Variants in NEK11 observed in about 807,000 individuals in gnomAD.
The protein encoded by NEK11 is serine/threonine-protein kinase Nek11.
A neutral mutation model predicts 80.7 loss-of-function variants in NEK11; 72 were observed. The ratio of observed to expected loss-of-function variants is 0.89; its 90% CI spans 0.74 to 1.08. NEK11 has a LOEUF of 1.08. Among genes scored for constraint, NEK11 ranks in the 50% least tolerant of loss-of-function variants. NEK11 has a pLI of 0.00. For missense variants in NEK11, 764 were observed against 763.6 expected, an observed-to-expected ratio of 1.00 and a Z score of -0.01; for synonymous variants, 251 against 260.7, an observed-to-expected ratio of 0.96 and a Z score of 0.36.
intron 7 of NEK11, among the ~76,000 whole-genome samples, chr3:131,145,208 GT>G (rs2087893062): frequency 6.6e-6 from 1 of 152,008 alleles, no homozygotes; most frequent in East Asian, 1.9e-4. Flanking sequence ...GTCTTGCTAT[GT>G]TGCCCAGGCT....
At chr3:131,142,547 C>T (rs1478735655) in intron 7 of NEK11, among the ~76,000 whole-genome samples, 2 of 152,122 alleles carry the variant, frequency 1.3e-5, no homozygotes, top group African/African-American at 2.4e-5. Flanking sequence ...TTGCCATATT[C>T]GGTCTTAATA....
At chr3:131,145,500 G>T (rs1050928616) in intron 7 of NEK11, among the ~76,000 whole-genome samples, 1 of 152,026 alleles carries the variant, frequency 6.6e-6, no homozygotes. Context: ...TATATTTGCC[G>T]TGGTGTGACG....
At chr3:131,061,123 G>T (rs1355786596) in intron 3 of NEK11, among the ~76,000 whole-genome samples, 6 of 152,182 alleles carry the variant, frequency 3.9e-5, no homozygotes, top group Non-Finnish European at 7.3e-5. Context: ...TAGGCCTAGA[G>T]ATCTACATTT....
At chr3:131,264,922 T>A (rs1431175262) in intron 16 of NEK11, among the ~76,000 whole-genome samples, 1 of 152,192 alleles carries the variant, frequency 6.6e-6, no homozygotes, top group Non-Finnish European at 1.5e-5. Flanking sequence ...CTTGAAGAGG[T>A]CCTTCACATC....
At position 131,317,412 on chromosome 3, in the gene NEK11, C is replaced by T. The variant is rs539042949; in HGVS notation, c.1719-32145C>T. Among the ~76,000 whole-genome samples the T allele has an allele frequency of 2.0e-5, 3 of 152,276 alleles. No individual in the cohort carries two copies. In the South Asian group the frequency reaches 6.2e-4, roughly 32 times the overall value. ...TGATGGGTGAAGCAGTAGTGATACA[C>T]TGCTCCCACTCATTGCTTTCATCCC... On this transcript the variant is annotated intron_variant, in intron 17 of 17. Transcript: ENST00000383366.
intron 3 of NEK11, among the ~76,000 whole-genome samples, chr3:131,052,811 A>T (rs2068665684): frequency 6.6e-6 from 1 of 152,180 alleles, no homozygotes; most frequent in South Asian, 2.1e-4. Context: ...ATGTCTTGAA[A>T]AATATTAATA....
At chr3:131,201,528 A>T (rs1471057018) in intron 14 of NEK11, among the ~76,000 whole-genome samples, 1 of 152,208 alleles carries the variant, frequency 6.6e-6, no homozygotes, top group Non-Finnish European at 1.5e-5. Context: ...TCTCTGACAG[A>T]AATGTGCCTC....
chr3:131,260,457 A>G (rs1486916112), intron 16 of NEK11, among the ~76,000 whole-genome samples: 2 of 152,164 alleles, frequency 1.3e-5, no homozygotes, highest in South Asian at 2.1e-4. Context: ...TCAGCAAACT[A>G]TGGCCTGCAT....
At position 131,152,677 on chromosome 3, in the gene NEK11, T is replaced by C; in HGVS notation, c.844T>C (p.Leu282=). Residue 282 remains leucine (L), a synonymous_variant, in exon 9 of 18, where the codon TTA becomes CTA. Coordinates refer to ENST00000383366, the MANE Select transcript of NEK11 (RefSeq NM_024800.5). ...PSLRPSAIEI[L]KIPYLDEQLQ... is the part of the protein sequence containing the mutation. Reference sequence around the variant, plus strand: ...ATTAAGACCATCTGCTATCGAAATTTTAAAAATCCCTTACCTTGATGAGCA... The same window carrying C: ...ATTAAGACCATCTGCTATCGAAATTCTAAAAATCCCTTACCTTGATGAGCA... 1 of 1,613,650 alleles carries C rather than the reference T, an allele frequency of 6.2e-7. No individual in the cohort carries two copies. The highest frequency in any genetic ancestry group is 8.5e-7 in the Non-Finnish European group (1 of 1,179,732).
At chr3:131,162,356 T>A in intron 10 of NEK11, 52 bp from the exon 11 acceptor site, 1 of 1,583,078 alleles carries the variant, frequency 6.3e-7, no homozygotes, top group South Asian at 1.2e-5. Flanking sequence ...TGTTTAATTT[T>A]TCTGAACATG....
intron 14 of NEK11, among the ~76,000 whole-genome samples, chr3:131,173,466 A>C (rs1241553132): frequency 6.6e-6 from 1 of 151,970 alleles, no homozygotes; most frequent in Non-Finnish European, 1.5e-5. Context: ...CCTGGTTTCA[A>C]ATAGGAAAAG....
chr3:131,217,494 C>A (rs1350407305), intron 14 of NEK11, among the ~76,000 whole-genome samples: 1 of 152,154 alleles, frequency 6.6e-6, no homozygotes, highest in Non-Finnish European at 1.5e-5. Context: ...AGTTACACAT[C>A]ACTTAAAAAC....
At chr3:131,226,962 A>G (rs2095218673) in intron 14 of NEK11, among the ~76,000 whole-genome samples, 2 of 151,060 alleles carry the variant, frequency 1.3e-5, no homozygotes, top group Non-Finnish European at 3.0e-5. Context: ...TTCAATATAA[A>G]TAATAAAAAT....
chr3:131,250,217 T>A (rs2095674141), intron 16 of NEK11, among the ~76,000 whole-genome samples: 1 of 151,888 alleles, frequency 6.6e-6, no homozygotes, highest in Non-Finnish European at 1.5e-5. Flanking sequence ...TTCATCTACG[T>A]GATTCAGCAC....
rs1004124915 is a variant in NEK11, at chr3:131,273,657, G to C, written c.1718+83G>C. The C allele has an allele frequency of 4.0e-6, 4 of 1,003,858 alleles. No homozygotes were observed. In the African/African-American group the frequency reaches 6.4e-5, roughly 16 times the overall value. 62.2% of individuals were successfully genotyped at this position (1,003,858 alleles called of 1,614,324 possible). ...GTGTGTGACCCAGTCATGTGATACT[G>C]TCTTAGTCCATTTGTGCTGCCGTGA... is the stretch of plus-strand genomic sequence containing the variant. On this transcript the variant is annotated intron_variant, in intron 17 of 17. Transcript: ENST00000383366.
At chr3:131,223,059 G>A (rs114889515) in intron 14 of NEK11, among the ~76,000 whole-genome samples, 1,572 of 152,236 alleles carry the variant, frequency 0.01, 23 homozygotes, top group African/African-American at 0.035. Flanking sequence ...AGAAGATCTG[G>A]AATGCCACTC....
intron 16 of NEK11, among the ~76,000 whole-genome samples, chr3:131,261,476 G>A (rs2095918463): frequency 6.6e-6 from 1 of 152,198 alleles, no homozygotes; most frequent in Non-Finnish European, 1.5e-5. Context: ...GTTAGCATAG[G>A]CATTGTCTTC....
At chr3:131,202,660 A>T (rs536058949) in intron 14 of NEK11, among the ~76,000 whole-genome samples, 2 of 152,312 alleles carry the variant, frequency 1.3e-5, no homozygotes, top group East Asian at 3.9e-4. Context: ...ATGGGAGAAA[A>T]TTTTTGCAAT....
At chr3:131,099,737 A>T (rs183537662) in intron 4 of NEK11, among the ~76,000 whole-genome samples, 11 of 152,118 alleles carry the variant, frequency 7.2e-5, no homozygotes, top group African/African-American at 2.7e-4. Flanking sequence ...GCTATTTTAA[A>T]TGGGATTGTG....
Sources: allele counts gnomAD v4.1 joint callset (sites outside exome capture counted in the v4.1 genomes callset), GRCh38; gene constraint gnomAD v4.1.1; transcripts MANE v1.5; gene names NCBI Gene and HGNC (gene_info 2026-07-23, HGNC 2026-07-21).